Variants in LSAMP observed in about 807,000 individuals in gnomAD.
LSAMP encodes the protein limbic system associated membrane protein, also known as limbic system-associated membrane protein.
In LSAMP, 7 loss-of-function variants were observed where a neutral mutation model predicts 38.6. The observed-to-expected ratio is 0.18, with a 90% CI of 0.10 to 0.34. The LOEUF (loss-of-function observed/expected upper bound fraction) is 0.34. Among genes scored for constraint, LSAMP ranks in the 10% least tolerant of loss-of-function variants. The probability of loss-of-function intolerance (pLI) is 1.00; values close to 1 mark genes in which losing one functional copy is unlikely to be tolerated. For missense variants in LSAMP, 313 were observed against 420.0 expected (o/e 0.75, Z 2.23); for synonymous variants, 154 against 166.8 (o/e 0.92, Z 0.59).
chr3:116,409,840 G>A (rs984905543), intron 1 of LSAMP, among the ~76,000 whole-genome samples: 2 of 152,050 alleles, frequency 1.3e-5, no homozygotes, highest in African/African-American at 4.8e-5. Context: ...GAGCTGAATT[G>A]AAGAAGAAAG....
At chr3:116,376,228 A>AGAAAGCAGAGCCATAGT (rs2048491016) in intron 1 of LSAMP, among the ~76,000 whole-genome samples, 1 of 152,114 alleles carries the variant, frequency 6.6e-6, no homozygotes, top group Non-Finnish European at 1.5e-5. Flanking sequence ...TGAAACAGCT[A>AGAAAGCAGAGCCATAGT]CTGGGTCCAT....
intron 1 of LSAMP, among the ~76,000 whole-genome samples, chr3:116,300,815 G>A (rs1340844018): frequency 1.3e-5 from 2 of 152,074 alleles, no homozygotes; most frequent in Non-Finnish European, 2.9e-5. Flanking sequence ...GCAATGATCT[G>A]TCAAGTCTCT....
At chr3:116,052,194 G>A (rs1398257327) in intron 2 of LSAMP, among the ~76,000 whole-genome samples, 1 of 152,018 alleles carries the variant, frequency 6.6e-6, no homozygotes, top group Non-Finnish European at 1.5e-5. Flanking sequence ...AATCCTCTCT[G>A]GTTAGTGTCA....
At chr3:116,151,549 C>A (rs989131406) in intron 1 of LSAMP, among the ~76,000 whole-genome samples, 3 of 152,064 alleles carry the variant, frequency 2.0e-5, no homozygotes, top group African/African-American at 7.2e-5. Flanking sequence ...ACAAAAATAT[C>A]TATTATGGCT....
At chr3:116,318,369 C>T (rs2047661363) in intron 1 of LSAMP, among the ~76,000 whole-genome samples, 1 of 152,122 alleles carries the variant, frequency 6.6e-6, no homozygotes, top group African/African-American at 2.4e-5. Flanking sequence ...TTAGTCTCCA[C>T]ACCAGGAGGA....
chr3:116,252,537 T>A (rs12492445), intron 1 of LSAMP, among the ~76,000 whole-genome samples: 19,926 of 151,942 alleles, frequency 0.13, 1,450 homozygotes, highest in Admixed American at 0.19. Flanking sequence ...GAAAAAAAAA[T>A]AGAAGGAACA....
chr3:116,445,132 C>T lies in LSAMP; in HGVS notation c.-101G>A, dbSNP rs2049493841. ...ACACGGGGCTTTCATCCACAGCGAG[C>T]GCAGAGCGGGCTTTGCCAGTTTATG... On this transcript the variant is annotated 5_prime_UTR_variant, in exon 1 of 7. Coordinates refer to ENST00000490035, the MANE Select transcript of LSAMP (RefSeq NM_002338.5). The T allele has an allele frequency of 1.6e-6, 2 of 1,255,560 alleles. No homozygotes were observed. The highest frequency in any genetic ancestry group is 2.2e-6 in the Non-Finnish European group (2 of 910,628). The allele number at this position is 1,255,560 out of a possible 1,614,324, so 77.8% of individuals were successfully genotyped here.
chr3:116,069,805 T>C (rs1707556187), intron 2 of LSAMP, among the ~76,000 whole-genome samples: 1 of 152,220 alleles, frequency 6.6e-6, no homozygotes, highest in South Asian at 2.1e-4. Context: ...AAGTGGCTGA[T>C]AGATAGACAG....
chr3:116,019,487 G>T, intron 3 of LSAMP, 28 bp downstream of exon 3: 1 of 1,607,406 alleles, frequency 6.2e-7, no homozygotes, highest in South Asian at 1.1e-5. Flanking sequence ...ACAGCATGTG[G>T]CATATTGGAA....
intron 1 of LSAMP, among the ~76,000 whole-genome samples, chr3:116,355,706 C>A (rs1222953511): frequency 6.6e-6 from 1 of 152,028 alleles, no homozygotes; most frequent in African/African-American, 2.4e-5. Context: ...GGATTATAAC[C>A]AGAATATACA....
chr3:115,837,760 G>T (rs1244297861), intron 6 of LSAMP: 1 of 152,142 alleles, frequency 6.6e-6, no homozygotes, highest in African/African-American at 2.4e-5. Flanking sequence ...TTGATTTAGG[G>T]CCTAGACTCT....
intron 1 of LSAMP, among the ~76,000 whole-genome samples, chr3:116,325,088 G>A (rs1170411243): frequency 2.0e-5 from 3 of 149,888 alleles, no homozygotes; most frequent in Admixed American, 6.7e-5. Context: ...AATATTAAAT[G>A]CTATTTCATA....
At chr3:115,949,395 T>A in intron 3 of LSAMP, among the ~76,000 whole-genome samples, 1 of 147,338 alleles carries the variant, frequency 6.8e-6, no homozygotes, top group Non-Finnish European at 1.5e-5. Flanking sequence ...AATAGTTTTT[T>A]TGTTTTATTT....
intron 3 of LSAMP, among the ~76,000 whole-genome samples, chr3:115,977,726 C>T (rs1314331463): frequency 9.5e-6 from 1 of 105,126 alleles, no homozygotes; most frequent in African/African-American, 5.2e-5. Flanking sequence ...TACAACAGAA[C>T]ACCAAAAAAA....
intron 3 of LSAMP, among the ~76,000 whole-genome samples, chr3:115,937,215 C>T (rs963435724): frequency 3.9e-5 from 6 of 152,058 alleles, no homozygotes; most frequent in South Asian, 4.1e-4. Context: ...ACCATTTAAT[C>T]GACCAAACCA....
rs186128893 is a variant in LSAMP, at chr3:116,002,882, A to C, written c.514+16633T>G. ...TAGGATACCTGACACATCTATTATG[A>C]GCAATGTTTGAAGGAACAAAATCCA... On this transcript the variant is annotated intron_variant, in intron 3 of 6. Coordinates refer to ENST00000490035, the MANE Select transcript of LSAMP (RefSeq NM_002338.5). Among the ~76,000 whole-genome samples, 5 of 152,314 alleles carry C rather than the reference A, an allele frequency of 3.3e-5. No homozygotes were observed. The East Asian group carries it at 5.8e-4, about 18-fold the overall frequency.
chr3:116,062,725 T>C (rs574142616), intron 2 of LSAMP, among the ~76,000 whole-genome samples: 1 of 152,308 alleles, frequency 6.6e-6, no homozygotes, highest in African/African-American at 2.4e-5. Flanking sequence ...AAATTATTCC[T>C]GGAATTTATT....
chr3:116,205,339 C>G (rs1297885243), intron 1 of LSAMP, among the ~76,000 whole-genome samples: 7 of 123,946 alleles, frequency 5.6e-5, no homozygotes, highest in African/African-American at 2.2e-4. Flanking sequence ...ACAATCATGT[C>G]GTCTGCAAAC....
chr3:116,045,543 A>G (rs1941271952), intron 2 of LSAMP, among the ~76,000 whole-genome samples: 1 of 139,282 alleles, frequency 7.2e-6, no homozygotes, highest in South Asian at 2.3e-4. Flanking sequence ...GGAGGTGGTA[A>G]AAAAAAAAAA....
Sources: allele counts gnomAD v4.1 joint callset (sites outside exome capture counted in the v4.1 genomes callset), GRCh38; gene constraint gnomAD v4.1.1; transcripts MANE v1.5; gene names NCBI Gene and HGNC (gene_info 2026-07-23, HGNC 2026-07-21).